Variants in DENND4A observed in about 807,000 individuals in gnomAD.
DENND4A encodes the protein C-myc promoter-binding protein.
A neutral mutation model predicts 199.3 loss-of-function variants in DENND4A; 70 were observed. The ratio of observed to expected loss-of-function variants is 0.35; its 90% CI spans 0.29 to 0.43. The LOEUF (loss-of-function observed/expected upper bound fraction) is 0.43. Ranked by LOEUF, DENND4A falls within the 20% of genes least tolerant of loss-of-function variation. DENND4A has a pLI of 1.00. For synonymous variants in DENND4A, 686 were observed against 766.9 expected, an observed-to-expected ratio of 0.89 and a Z score of 1.74; for missense variants, 1,723 against 2,255.8, an observed-to-expected ratio of 0.76 and a Z score of 4.78.
At chr15:65,782,654 C>CA (rs1415459379) in intron 1 of DENND4A, among the ~76,000 whole-genome samples, 1 of 151,356 alleles carries the variant, frequency 6.6e-6, no homozygotes, top group Non-Finnish European at 1.5e-5. Flanking sequence ...ACCCTGAAAA[C>CA]AAAAAAATAA....
In DENND4A at chr15:65,669,767, A is replaced by G; in HGVS notation, c.4787+12T>C. 1 of 1,594,272 alleles carries G rather than the reference A, an allele frequency of 6.3e-7. No individual in the cohort carries two copies. On this transcript the variant is annotated intron_variant, in intron 27 of 32. Transcript: ENST00000443035. The stretch of plus-strand genomic sequence containing the variant: ...ATGTTGTTAAAATATAGTTCCACAT[A>G]ATCATAATTACCTATTTAGATCAAA...
At chr15:65,747,489 G>A (rs927966074) in intron 4 of DENND4A, among the ~76,000 whole-genome samples, 2 of 152,082 alleles carry the variant, frequency 1.3e-5, no homozygotes, top group African/African-American at 4.8e-5. Context: ...AGCCAGTAAT[G>A]GTCAGAGATA....
chr15:65,698,726 CTTTTTTTTTTTTTTTTTT>C (rs71139423), intron 20 of DENND4A, among the ~76,000 whole-genome samples: 2 of 72,746 alleles, frequency 2.7e-5, no homozygotes, highest in Non-Finnish European at 5.0e-5. Context: ...TTAAGATAGC[CTTTTTTTTTTTTTTTTTT>C]TTTTTTTTTT....
chr15:65,768,577 T>A (rs1295273299), intron 1 of DENND4A, among the ~76,000 whole-genome samples: 1 of 152,160 alleles, frequency 6.6e-6, no homozygotes, highest in Non-Finnish European at 1.5e-5. Context: ...ACATATAAAG[T>A]GTACATTATT....
chr15:65,700,417 ACAT>A (rs2074824265), intron 20 of DENND4A, 124 bp downstream of exon 20: 3 of 392,052 alleles, frequency 7.7e-6, no homozygotes, highest in Middle Eastern at 7.5e-4. Flanking sequence ...CAAATAAAAT[ACAT>A]AATATATAAA....
chr15:65,724,977 T>C (rs1037718783), intron 11 of DENND4A, among the ~76,000 whole-genome samples: 3 of 152,210 alleles, frequency 2.0e-5, no homozygotes, highest in Admixed American at 6.5e-5. Context: ...GATATGTTTG[T>C]GGCGTAAATG....
chr15:65,787,028 T>C (rs1451615611), intron 1 of DENND4A, among the ~76,000 whole-genome samples: 1 of 152,200 alleles, frequency 6.6e-6, no homozygotes, highest in Non-Finnish European at 1.5e-5. Flanking sequence ...ATGATATAAA[T>C]AGTTATTTTA....
intron 3 of DENND4A, among the ~76,000 whole-genome samples, chr15:65,755,804 C>T (rs546035512): frequency 6.6e-6 from 1 of 152,262 alleles, no homozygotes; most frequent in East Asian, 1.9e-4. Context: ...ATCATTATAA[C>T]ATGCTTAAAA....
intron 12 of DENND4A, among the ~76,000 whole-genome samples, chr15:65,721,593 TAA>T (rs71447857): frequency 8.5e-4 from 112 of 131,506 alleles, no homozygotes; most frequent in African/African-American, 1.2e-3. Context: ...TGACTCCACT[TAA>T]AAAAAAAAAA....
At chr15:65,713,163 G>T (rs933457138) in intron 14 of DENND4A, among the ~76,000 whole-genome samples, 1 of 152,096 alleles carries the variant, frequency 6.6e-6, no homozygotes, top group African/African-American at 2.4e-5. Flanking sequence ...TATGCCAAAA[G>T]GATCTAGTTC....
chr15:65,738,616 A>ATTAAATTG, intron 6 of DENND4A, 90 bp downstream of exon 6: 3 of 1,095,024 alleles, frequency 2.7e-6, no homozygotes, highest in Non-Finnish European at 3.9e-6. Flanking sequence ...CATTCAATTT[A>ATTAAATTG]ATCAGTTTTT....
chr15:65,743,027 T>C (rs1235634954), intron 4 of DENND4A, among the ~76,000 whole-genome samples: 1 of 152,130 alleles, frequency 6.6e-6, no homozygotes, highest in Non-Finnish European at 1.5e-5. Context: ...ATATAATAAG[T>C]TTTTATTATT....
At chr15:65,745,256 G>A (rs2076358327) in intron 4 of DENND4A, among the ~76,000 whole-genome samples, 1 of 152,128 alleles carries the variant, frequency 6.6e-6, no homozygotes, top group African/African-American at 2.4e-5. Context: ...TCAAACTAAA[G>A]TGAAAGAGAA....
At chr15:65,673,333 T>A (rs2076274305) in intron 24 of DENND4A, among the ~76,000 whole-genome samples, 2 of 151,758 alleles carry the variant, frequency 1.3e-5, no homozygotes, top group Admixed American at 1.3e-4. Context: ...TAGCCAGGCA[T>A]GTTACTGTGT....
At chr15:65,685,120 C>A (rs1416094194) in intron 23 of DENND4A, among the ~76,000 whole-genome samples, 1 of 151,580 alleles carries the variant, frequency 6.6e-6, no homozygotes, top group African/African-American at 2.4e-5. Context: ...AGCCACCACG[C>A]CCCGCCCACA....
intron 9 of DENND4A, 189 bp downstream of exon 9, chr15:65,731,453 C>T (rs2075956175): frequency 1.6e-6 from 1 of 614,776 alleles, no homozygotes; most frequent in Non-Finnish European, 3.1e-6. Context: ...AAATACAAAA[C>T]ACTATTAGAA....
chr15:65,772,105 C>A, intron 1 of DENND4A: 1 of 910,602 alleles, frequency 1.1e-6, no homozygotes, highest in Non-Finnish European at 1.8e-6. Context: ...TGGACGATGT[C>A]GACACATTTC....
intron 28 of DENND4A, 83 bp downstream of exon 28, chr15:65,667,842 T>C: frequency 1.3e-6 from 2 of 1,508,530 alleles, no homozygotes; most frequent in Middle Eastern, 2.2e-4. Context: ...ATAATAAAGC[T>C]AATAAGACTA....
intron 22 of DENND4A, 162 bp downstream of exon 22, chr15:65,696,204 A>G (rs2077138763): frequency 1.3e-6 from 1 of 790,418 alleles, no homozygotes. Context: ...ACAGCATGTT[A>G]TAAAATATAG....
Sources: allele counts gnomAD v4.1 joint callset (sites outside exome capture counted in the v4.1 genomes callset), GRCh38; gene constraint gnomAD v4.1.1; transcripts MANE v1.5; gene names NCBI Gene and HGNC (gene_info 2026-07-23, HGNC 2026-07-21).